Variants in DCAF8L2 observed in about 807,000 individuals in gnomAD.
The protein encoded by DCAF8L2 is DDB1- and CUL4-associated factor 8-like protein 2.
For synonymous variants in DCAF8L2, 200 were observed against 190.9 expected (o/e 1.05, Z -0.39); for missense variants, 430 against 490.7 (o/e 0.88, Z 1.17).
chrX:27,540,005 C>T, the DCAF8L2 span, among the ~76,000 whole-genome samples: 2 of 110,370 alleles, frequency 1.8e-5, no homozygotes, highest in Non-Finnish European at 3.8e-5. Context: ...TTCCTGGATA[C>T]AGAATTAATC....
At chrX:27,479,674 G>A in the DCAF8L2 span, among the ~76,000 whole-genome samples, 1 of 111,870 alleles carries the variant, frequency 8.9e-6, no homozygotes, top group Non-Finnish European at 1.9e-5. Context: ...CGCCAAAGAG[G>A]AAACATAATT....
At chrX:27,702,463 C>T (rs1931166378) in intron 3 of DCAF8L2, among the ~76,000 whole-genome samples, 1 of 105,695 alleles carries the variant, frequency 9.5e-6, no homozygotes, top group Non-Finnish European at 2.0e-5. Context: ...AAAAAAAAAA[C>T]TAGACAACTG....
the DCAF8L2 span, among the ~76,000 whole-genome samples, chrX:27,489,286 A>G: frequency 9.1e-6 from 1 of 110,406 alleles, no homozygotes; most frequent in African/African-American, 3.3e-5. Flanking sequence ...TTTAATAGAG[A>G]CGGGGTTTCA....
At chrX:27,530,346 TC>T in the DCAF8L2 span, among the ~76,000 whole-genome samples, 121 of 108,998 alleles carry the variant, frequency 1.1e-3, no homozygotes, top group African/African-American at 1.4e-3. Flanking sequence ...TGCTGTATAC[TC>T]CCCCCCCAAA....
chrX:27,747,019 G>A lies in DCAF8L2; in HGVS notation c.124G>A (p.Ala42Thr), dbSNP rs1922213142. ...AGAGGCCTCCTCAGACATTGACATA[G>A]CGACCTCAGAGCTGAGTGTGACAGT... ...ATEASSDIDI[A>T]TSELSVTVTG... Residue 42 changes from alanine to threonine, a missense_variant, in exon 5 of 5, where the codon GCG becomes ACG. By Grantham distance (58) the Ala-to-Thr change is moderately conservative. Coordinates refer to ENST00000451261, the MANE Select transcript of DCAF8L2 (RefSeq NM_001353450.2). The A allele has an allele frequency of 8.5e-7, 1 of 1,178,164 alleles. No individual in the cohort carries two copies. Among genetic ancestry groups the A allele is most frequent in the Non-Finnish European group, 1.1e-6 (1 of 878,880 alleles).
At position 27,734,676 on chromosome X, in the gene DCAF8L2, T is replaced by A. The variant is rs16987978; in HGVS notation, c.-58-12162T>A. Among the ~76,000 whole-genome samples, 1,093 of 112,056 alleles carry A rather than the reference T, an allele frequency of 9.8e-3. 12 individuals are homozygous for A. Among genetic ancestry groups the A allele is most frequent in the African/African-American group, 0.033 (1,028 of 30,837 alleles). Reference sequence around the variant, plus strand: ...AATTTTCTACTGGGGAGCATAAAAATTCTGTTAGGTGACACCAGAAACTTT... The same window carrying A: ...AATTTTCTACTGGGGAGCATAAAAAATCTGTTAGGTGACACCAGAAACTTT... On this transcript the variant is annotated intron_variant, in intron 4 of 4. Coordinates refer to ENST00000451261, the MANE Select transcript of DCAF8L2 (RefSeq NM_001353450.2).
At chrX:27,654,537 A>G (rs180757464) in intron 2 of DCAF8L2, among the ~76,000 whole-genome samples, 9 of 112,358 alleles carry the variant, frequency 8.0e-5, no homozygotes, top group Admixed American at 6.6e-4. Context: ...AGTTCTCTAT[A>G]GACAATCAAC....
At chrX:27,591,377 C>T (rs972214244) in intron 1 of DCAF8L2, among the ~76,000 whole-genome samples, 3 of 110,608 alleles carry the variant, frequency 2.7e-5, no homozygotes, top group Admixed American at 9.7e-5. Context: ...ATTCCCTGAT[C>T]ATCCTCTTTT....
chrX:27,558,429 A>C, the DCAF8L2 span, among the ~76,000 whole-genome samples: 1 of 111,111 alleles, frequency 9.0e-6, no homozygotes, highest in Non-Finnish European at 1.9e-5. Flanking sequence ...GAGTTGCAGG[A>C]GTGGACAGCA....
the DCAF8L2 span, among the ~76,000 whole-genome samples, chrX:27,523,346 T>C: frequency 9.1e-6 from 1 of 110,331 alleles, no homozygotes; most frequent in Non-Finnish European, 1.9e-5. Context: ...TAATATACAA[T>C]ATATAAATGT....
intron 4 of DCAF8L2, among the ~76,000 whole-genome samples, chrX:27,720,819 T>A (rs1372374663): frequency 1.8e-5 from 2 of 112,290 alleles, no homozygotes; most frequent in African/African-American, 6.4e-5. Context: ...TTTATGTGTG[T>A]GTTCTTTAAG....
the DCAF8L2 span, among the ~76,000 whole-genome samples, chrX:27,507,220 T>G: frequency 8.9e-6 from 1 of 112,200 alleles, no homozygotes; most frequent in South Asian, 3.6e-4. Context: ...GTTTCATCTC[T>G]ATCCAAAAGA....
intron 4 of DCAF8L2, among the ~76,000 whole-genome samples, chrX:27,732,356 T>C (rs926609769): frequency 9.0e-6 from 1 of 111,200 alleles, no homozygotes; most frequent in Non-Finnish European, 1.9e-5. Flanking sequence ...ATTCTGCATA[T>C]CCACGAGATC....
the DCAF8L2 span, chrX:27,519,415 G>A: frequency 2.6e-6 from 3 of 1,132,778 alleles, no homozygotes; most frequent in East Asian, 9.0e-5. Flanking sequence ...AGCAGCACTT[G>A]CTGAATTCAC....
At chrX:27,666,935 A>G (rs1161364902) in intron 2 of DCAF8L2, among the ~76,000 whole-genome samples, 1 of 112,104 alleles carries the variant, frequency 8.9e-6, no homozygotes, top group African/African-American at 3.2e-5. Context: ...TTTAATGTAC[A>G]TATGAATCAA....
intron 2 of DCAF8L2, among the ~76,000 whole-genome samples, chrX:27,636,131 A>T (rs1446422092): frequency 9.0e-6 from 1 of 111,053 alleles, no homozygotes; most frequent in African/African-American, 3.3e-5. Flanking sequence ...ATTTCTATTA[A>T]TGTCAATAAA....
intron 1 of DCAF8L2, among the ~76,000 whole-genome samples, chrX:27,626,749 C>T (rs1928027186): frequency 9.0e-6 from 1 of 111,492 alleles, no homozygotes; most frequent in Admixed American, 9.6e-5. Flanking sequence ...GATGAGAAAG[C>T]AAGCTGAAAT....
intron 2 of DCAF8L2, among the ~76,000 whole-genome samples, chrX:27,639,613 G>A (rs970608321): frequency 1.8e-5 from 2 of 111,608 alleles, no homozygotes; most frequent in African/African-American, 6.5e-5. Context: ...AGGTTACATA[G>A]TAGCTTTGGT....
the DCAF8L2 span, chrX:27,519,567 A>G: frequency 2.9e-6 from 2 of 686,824 alleles, no homozygotes; most frequent in East Asian, 3.2e-5. Context: ...CCCTCTCTCC[A>G]CCTCCACCAC....
Sources: allele counts gnomAD v4.1 joint callset (sites outside exome capture counted in the v4.1 genomes callset), GRCh38; gene constraint gnomAD v4.1.1; transcripts MANE v1.5; gene names NCBI Gene and HGNC (gene_info 2026-07-23, HGNC 2026-07-21).